The following ARHGEF4 variants were observed in gnomAD, a reference collection of about 807,000 sequenced individuals.
ARHGEF4 encodes the protein Rho guanine nucleotide exchange factor 4, also known as APC-stimulated guanine nucleotide exchange factor 1.
A neutral mutation model predicts 162.0 loss-of-function variants in ARHGEF4; 119 were observed. The observed-to-expected ratio is 0.73, with a 90% CI of 0.63 to 0.86. The LOEUF (loss-of-function observed/expected upper bound fraction) is 0.86, where lower values mean the gene tolerates loss of function less well. Among genes scored for constraint, ARHGEF4 ranks in the 40% least tolerant of loss-of-function variants. The probability of loss-of-function intolerance (pLI) is 0.00; values close to 1 mark genes in which losing one functional copy is unlikely to be tolerated. For synonymous variants in ARHGEF4, 1,014 were observed against 979.9 expected, an observed-to-expected ratio of 1.03 and a Z score of -0.65; for missense variants, 2,488 against 2,456.0, an observed-to-expected ratio of 1.01 and a Z score of -0.28.
chr2:131,044,402 G>A lies in ARHGEF4; in HGVS notation c.5261G>A (p.Ser1754Asn). 6.3e-7 allele frequency: 1 copy of A among 1,583,286 alleles called. No individual in the cohort carries two copies. Among genetic ancestry groups the A allele is most frequent in the Non-Finnish European group, 8.6e-7 (1 of 1,164,648 alleles). ...EDGKDRDLHVSIKNAFRLHRG... is the reference protein window; with the variant it reads ...EDGKDRDLHVNIKNAFRLHRG... ...GGGAAGGACAGAGACCTCCATGTGAGCATCAAGAACGCCTTCCGGCTGCAC... is the reference window on the plus strand; with the variant it reads ...GGGAAGGACAGAGACCTCCATGTGAACATCAAGAACGCCTTCCGGCTGCAC... Residue 1754 changes from serine (S) to asparagine (N), a missense_variant, in exon 12 of 14, where the codon AGC becomes AAC. Coordinates refer to ENST00000409359, the MANE Select transcript of ARHGEF4 (RefSeq NM_001367493.1).
chr2:130,867,241 T>A (rs1472178810), intron 1 of ARHGEF4, among the ~76,000 whole-genome samples: 1 of 145,956 alleles, frequency 6.9e-6, no homozygotes, highest in African/African-American at 2.7e-5. Flanking sequence ...TTATTATTAT[T>A]ATTTTTTTTT....
intron 5 of ARHGEF4, chr2:131,035,658 C>T (rs559130508): frequency 3.0e-6 from 3 of 988,972 alleles, no homozygotes; most frequent in Admixed American, 6.1e-5. Flanking sequence ...GGAAGACCCC[C>T]GGGCACCGCT....
chr2:130,998,876 A>C (rs190065589), intron 4 of ARHGEF4, among the ~76,000 whole-genome samples: 238 of 152,330 alleles, frequency 1.6e-3, no homozygotes, highest in Middle Eastern at 0.014. Context: ...ATTTAGTTTC[A>C]TAAGAAACTG....
At chr2:130,879,513 A>G (rs543894032) in intron 1 of ARHGEF4, among the ~76,000 whole-genome samples, 29 of 152,280 alleles carry the variant, frequency 1.9e-4, no homozygotes, top group South Asian at 4.2e-4. Flanking sequence ...TATAGTCACC[A>G]TGGTATACAA....
At chr2:130,867,945 T>C (rs1206284023) in intron 1 of ARHGEF4, among the ~76,000 whole-genome samples, 2 of 147,228 alleles carry the variant, frequency 1.4e-5, no homozygotes, top group Non-Finnish European at 3.0e-5. Context: ...TCTTTTTTTT[T>C]TTTTTTTGGA....
At chr2:130,926,048 C>CTTTCTCTCTCTCTCTTTCTT in intron 2 of ARHGEF4, among the ~76,000 whole-genome samples, 1 of 53,412 alleles carries the variant, frequency 1.9e-5, no homozygotes, top group African/African-American at 6.2e-5. Context: ...TTCTTTCTTT[C>CTTTCTCTCTCTCTCTTTCTT]TCTTTCTTTC....
chr2:130,896,010 G>A (rs971768396), intron 1 of ARHGEF4, among the ~76,000 whole-genome samples: 2 of 152,160 alleles, frequency 1.3e-5, no homozygotes, highest in Non-Finnish European at 2.9e-5. Context: ...ATGGTGTGAT[G>A]TGGGGGTTTT....
Position 130,917,396 on chromosome 2 carries a change from G to A in ARHGEF4, c.3450G>A (p.Gln1150=), listed in dbSNP as rs1204290366. 2 of 1,550,538 alleles carry A rather than the reference G, an allele frequency of 1.3e-6. No individual in the cohort carries two copies. The highest frequency in any genetic ancestry group is 2.0e-5 in the Admixed American group (1 of 50,990). ...KGQTSFLLSL[Q]TLNQDEQKEE... ...AGACCAGTTTCCTGCTTTCTCTGCA[G>A]ACGCTAAACCAAGATGAGCAGAAGG... The change falls in exon 2 of 14, where the codon CAG becomes CAA. Residue 1150 remains glutamine, a synonymous_variant. Coordinates refer to ENST00000409359, the MANE Select transcript of ARHGEF4 (RefSeq NM_001367493.1).
intron 4 of ARHGEF4, among the ~76,000 whole-genome samples, chr2:130,981,932 AGC>A (rs1307722413): frequency 2.0e-5 from 3 of 152,234 alleles, no homozygotes; most frequent in African/African-American, 7.2e-5. Flanking sequence ...CATAGTGTGA[AGC>A]AATACAAACA....
intron 4 of ARHGEF4, among the ~76,000 whole-genome samples, chr2:130,984,576 C>G (rs1318203677): frequency 6.6e-6 from 1 of 151,650 alleles, no homozygotes; most frequent in Non-Finnish European, 1.5e-5. Flanking sequence ...GTAATCCCAG[C>G]TACTCGGGAG....
chr2:130,925,192 G>T (rs1682167532), intron 2 of ARHGEF4, among the ~76,000 whole-genome samples: 1 of 151,950 alleles, frequency 6.6e-6, no homozygotes, highest in Non-Finnish European at 1.5e-5. Flanking sequence ...ACAATTTTGA[G>T]AAAGAAAAAT....
At chr2:130,932,101 C>T (rs547033994) in intron 3 of ARHGEF4, among the ~76,000 whole-genome samples, 3 of 152,302 alleles carry the variant, frequency 2.0e-5, no homozygotes, top group African/African-American at 7.2e-5. Context: ...CATCTGCTTC[C>T]TGTCTCTATG....
rs549075092 is a variant in ARHGEF4 at position 130,928,377 on chromosome 2, G to A, written c.3553-2575G>A. On this transcript the variant is annotated intron_variant, in intron 2 of 13. Transcript: ENST00000409359. ...GAGTCGCTCCCTGTTCACCATGCAG[G>A]TTTTCTTGTTATGCTGTTTTCATCC... 3.9e-5 allele frequency among the ~76,000 whole-genome samples: 6 copies of A among 152,312 alleles called. No individual in the cohort carries two copies. The South Asian group carries it at 1.2e-3, about 32-fold the overall frequency.
intron 1 of ARHGEF4, among the ~76,000 whole-genome samples, chr2:130,904,923 A>G (rs181188750): frequency 1.3e-5 from 2 of 152,236 alleles, no homozygotes; most frequent in East Asian, 1.9e-4. Context: ...TACTAAAAAT[A>G]CAAACATTAG....
intron 4 of ARHGEF4, chr2:130,964,384 C>T (rs779589425): frequency 4.1e-5 from 10 of 243,700 alleles, no homozygotes; most frequent in Non-Finnish European, 5.1e-5. Flanking sequence ...CTGGTCCCTT[C>T]CTTCCCATTG....
At chr2:131,016,010 C>T (rs772749706) in intron 4 of ARHGEF4, among the ~76,000 whole-genome samples, 21 of 152,324 alleles carry the variant, frequency 1.4e-4, no homozygotes, top group Non-Finnish European at 2.4e-4. Flanking sequence ...CATGCCAGGG[C>T]TCCCCGGGAG....
chr2:131,046,298 G>T lies in ARHGEF4; in HGVS notation c.*109G>T. On this transcript the variant is annotated 3_prime_UTR_variant, in exon 14 of 14. Transcript: ENST00000409359. ...CTTCCTCTGCCTGCAAGTGAGCAGG[G>T]ATGGGCTGGGGAGTTGCTTGTGCCA... 8.4e-7 allele frequency: 1 copy of T among 1,192,306 alleles called. No individual in the cohort carries two copies. The highest frequency in any genetic ancestry group is 1.2e-6 in the Non-Finnish European group (1 of 853,370). The allele number at this position is 1,192,306 out of a possible 1,614,324, so 73.9% of individuals were successfully genotyped here.
At chr2:130,900,938 G>T (rs985662705) in intron 1 of ARHGEF4, among the ~76,000 whole-genome samples, 2 of 152,002 alleles carry the variant, frequency 1.3e-5, no homozygotes, top group Non-Finnish European at 2.9e-5. Context: ...TTGGCTTCTC[G>T]CTTCTGCTTG....
At chr2:130,976,210 G>C (rs1056497294) in intron 4 of ARHGEF4, among the ~76,000 whole-genome samples, 1 of 152,180 alleles carries the variant, frequency 6.6e-6, no homozygotes, top group Non-Finnish European at 1.5e-5. Flanking sequence ...CATTGGTCTT[G>C]AGGGATAAGA....
Sources: gnomAD v4.1 joint callset for allele counts (sites outside exome capture counted in the v4.1 genomes callset) on GRCh38, gnomAD v4.1.1 for gene constraint, MANE v1.5 for transcripts, NCBI Gene and HGNC (gene_info 2026-07-23, HGNC 2026-07-21) for gene names.